Variants in PPM1E observed in about 807,000 individuals in gnomAD.
PPM1E encodes protein phosphatase, Mg2+/Mn2+ dependent 1E, also known as protein phosphatase 1E.
PPM1E carries 20 observed loss-of-function variants against 65.9 expected under a neutral mutation model. The ratio of observed to expected loss-of-function variants is 0.30; its 90% CI spans 0.21 to 0.44. PPM1E has a LOEUF of 0.44. PPM1E is among the 20% of genes least tolerant of loss of function. The pLI is 1.00. For synonymous variants in PPM1E, 352 were observed against 374.9 expected (o/e 0.94, Z 0.70); for missense variants, 713 against 953.1 (o/e 0.75, Z 3.32).
At chr17:58,780,937 G>A (rs1214239640) in intron 1 of PPM1E, among the ~76,000 whole-genome samples, 1 of 152,000 alleles carries the variant, frequency 6.6e-6, no homozygotes, top group Non-Finnish European at 1.5e-5. Context: ...TATTACTTCT[G>A]ATAAGTAAAT....
intron 1 of PPM1E, among the ~76,000 whole-genome samples, chr17:58,847,524 G>A (rs2143246673): frequency 6.6e-6 from 1 of 152,278 alleles, no homozygotes; most frequent in East Asian, 1.9e-4. Context: ...TTATTAAATA[G>A]GGAATCCTTT....
intron 1 of PPM1E, among the ~76,000 whole-genome samples, chr17:58,836,721 C>T (rs1057232748): frequency 5.3e-5 from 8 of 150,528 alleles, no homozygotes; most frequent in African/African-American, 1.9e-4. Flanking sequence ...CCTCGGCCTC[C>T]TAAAGTGCCA....
In PPM1E at chr17:58,861,431, G is replaced by A. The variant is rs141940112; in HGVS notation, c.465-94218G>A. On this transcript the variant is annotated intron_variant, in intron 1 of 6. Transcript: ENST00000308249. ...GGGAAAGCTGACTACCTCAGATGCTGTCTTTTTCTTCTTCTTGTTGGCTCT... is the reference window on the plus strand; with the variant it reads ...GGGAAAGCTGACTACCTCAGATGCTATCTTTTTCTTCTTCTTGTTGGCTCT... 2.4e-4 allele frequency among the ~76,000 whole-genome samples: 37 copies of A among 152,274 alleles called. No homozygotes were observed. In the East Asian group the frequency reaches 6.7e-3, roughly 28 times the overall value.
Position 58,956,092 on chromosome 17 carries a change from G to T in PPM1E, c.583+325G>T, listed in dbSNP as rs563600183. ...AAGATATTACAAAAAAGATGAGTGGGTGAGGGAGAATTCGAGCAAAACCTA... is the reference window on the plus strand; with the variant it reads ...AAGATATTACAAAAAAGATGAGTGGTTGAGGGAGAATTCGAGCAAAACCTA... On this transcript the variant is annotated intron_variant, in intron 2 of 6. Coordinates refer to ENST00000308249, the MANE Select transcript of PPM1E (RefSeq NM_014906.5). Among the ~76,000 whole-genome samples the T allele has an allele frequency of 6.5e-4, 99 of 152,232 alleles. 1 individual carries two copies. In the South Asian group the frequency reaches 9.7e-3, roughly 15 times the overall value.
chr17:58,865,106 T>C (rs1312658466), intron 1 of PPM1E, among the ~76,000 whole-genome samples: 2 of 151,324 alleles, frequency 1.3e-5, no homozygotes, highest in African/African-American at 2.4e-5. Flanking sequence ...TATGCAATCC[T>C]GGGCCAGGTG....
chr17:58,814,302 G>A (rs2050395673), intron 1 of PPM1E, among the ~76,000 whole-genome samples: 1 of 152,130 alleles, frequency 6.6e-6, no homozygotes, highest in Non-Finnish European at 1.5e-5. Flanking sequence ...CAATTTTATT[G>A]AAGGATAAAG....
At chr17:58,765,743 C>G (rs1265177131) in intron 1 of PPM1E, among the ~76,000 whole-genome samples, 2 of 152,110 alleles carry the variant, frequency 1.3e-5, no homozygotes, top group African/African-American at 4.8e-5. Flanking sequence ...AATTTTTTTC[C>G]TGGTGACTTG....
chr17:58,836,293 G>A (rs1266064799), intron 1 of PPM1E, among the ~76,000 whole-genome samples: 7 of 151,762 alleles, frequency 4.6e-5, no homozygotes, highest in Non-Finnish European at 1.0e-4. Context: ...ATAATATTAA[G>A]ATTAATGTAT....
intron 1 of PPM1E, among the ~76,000 whole-genome samples, chr17:58,922,017 GCA>G (rs1161833896): frequency 2.0e-5 from 3 of 150,460 alleles, no homozygotes; most frequent in Admixed American, 6.6e-5. Context: ...TCCAGCCTGG[GCA>G]ACAGAGCGAG....
At chr17:58,840,127 C>T (rs2050703468) in intron 1 of PPM1E, among the ~76,000 whole-genome samples, 1 of 152,196 alleles carries the variant, frequency 6.6e-6, no homozygotes, top group South Asian at 2.1e-4. Context: ...TGTGAAGCTT[C>T]CAGTTTCTTC....
chr17:58,912,761 A>G (rs1308887256), intron 1 of PPM1E, among the ~76,000 whole-genome samples: 3 of 152,180 alleles, frequency 2.0e-5, no homozygotes, highest in African/African-American at 7.2e-5. Flanking sequence ...TAAAAGATTG[A>G]AACTTTCAGT....
intron 1 of PPM1E, among the ~76,000 whole-genome samples, chr17:58,773,693 C>A (rs942211565): frequency 8.5e-5 from 13 of 152,124 alleles, no homozygotes; most frequent in Non-Finnish European, 1.6e-4. Flanking sequence ...TGAATTAAAA[C>A]ATAGCACATA....
chr17:58,862,675 G>A (rs1044461628), intron 1 of PPM1E, among the ~76,000 whole-genome samples: 3 of 152,180 alleles, frequency 2.0e-5, no homozygotes, highest in Non-Finnish European at 4.4e-5. Flanking sequence ...GGGCAGATGT[G>A]TCAATGATTG....
At chr17:58,906,963 C>G (rs1327108052) in intron 1 of PPM1E, among the ~76,000 whole-genome samples, 1 of 151,984 alleles carries the variant, frequency 6.6e-6, no homozygotes, top group Non-Finnish European at 1.5e-5. Context: ...TTGGCCAGGC[C>G]CAGGGGCTTA....
chr17:58,881,597 G>A (rs909246441), intron 1 of PPM1E, among the ~76,000 whole-genome samples: 2 of 152,160 alleles, frequency 1.3e-5, no homozygotes, highest in African/African-American at 4.8e-5. Flanking sequence ...GGGAGGTGGA[G>A]GTTGCAGTGA....
At chr17:58,909,186 C>G (rs992541700) in intron 1 of PPM1E, among the ~76,000 whole-genome samples, 1 of 151,990 alleles carries the variant, frequency 6.6e-6, no homozygotes, top group African/African-American at 2.4e-5. Context: ...CTACTAGGAA[C>G]AAATTTCCTC....
chr17:58,821,448 A>G (rs2050479381), intron 1 of PPM1E, among the ~76,000 whole-genome samples: 1 of 152,060 alleles, frequency 6.6e-6, no homozygotes. Flanking sequence ...AGGAGATAGG[A>G]GTTTACTAGA....
At chr17:58,945,670 C>T (rs1175143586) in intron 1 of PPM1E, among the ~76,000 whole-genome samples, 5 of 152,200 alleles carry the variant, frequency 3.3e-5, no homozygotes, top group Non-Finnish European at 7.3e-5. Flanking sequence ...GGTTATAAAT[C>T]AAGGTTTCCT....
At chr17:58,765,179 CTTT>C (rs11298918) in intron 1 of PPM1E, among the ~76,000 whole-genome samples, 13 of 132,106 alleles carry the variant, frequency 9.8e-5, no homozygotes, top group Admixed American at 1.5e-4. Context: ...TTCTTTCTTT[CTTT>C]TTTTTTTTTT....
Sources: allele counts gnomAD v4.1 joint callset (sites outside exome capture counted in the v4.1 genomes callset), GRCh38; gene constraint gnomAD v4.1.1; transcripts MANE v1.5; gene names NCBI Gene and HGNC (gene_info 2026-07-23, HGNC 2026-07-21).